Variants in MICAL2 observed in about 807,000 individuals in gnomAD.
MICAL2 encodes the protein microtubule associated monooxygenase, calponin and LIM domain containing 2.
A neutral mutation model predicts 127.3 loss-of-function variants in MICAL2; 77 were observed. That is an observed-to-expected ratio of 0.60 (90% confidence interval 0.50 to 0.73). The LOEUF is 0.73. Among genes scored for constraint, MICAL2 ranks in the 30% least tolerant of loss-of-function variants. The pLI, the probability that MICAL2 is intolerant of heterozygous loss-of-function variation, is 0.00. For missense variants in MICAL2, 1,351 were observed against 1,434.4 expected, an observed-to-expected ratio of 0.94 and a Z score of 0.94; for synonymous variants, 570 against 551.1, an observed-to-expected ratio of 1.03 and a Z score of -0.48.
intron 32 of MICAL2, among the ~76,000 whole-genome samples, chr11:12,338,430 A>C (rs571242199): frequency 3.1e-4 from 47 of 152,298 alleles, no homozygotes; most frequent in Middle Eastern, 3.4e-3. Context: ...TGTGTCTTTT[A>C]ATTGGCGCAT....
chr11:12,198,458 G>A (rs1192561087), intron 3 of MICAL2, among the ~76,000 whole-genome samples: 2 of 152,128 alleles, frequency 1.3e-5, no homozygotes, highest in Admixed American at 6.5e-5. Flanking sequence ...CTGGCAGGTG[G>A]GTGGCACCTT....
chr11:12,353,577 G>A (rs1939086633), intron 33 of MICAL2, among the ~76,000 whole-genome samples: 1 of 152,084 alleles, frequency 6.6e-6, no homozygotes, highest in Non-Finnish European at 1.5e-5. Context: ...TGGCATTTGG[G>A]AGCCTCCACA....
intron 16 of MICAL2, among the ~76,000 whole-genome samples, chr11:12,236,765 G>C (rs1565220752): frequency 1.3e-5 from 2 of 152,208 alleles, no homozygotes; most frequent in Non-Finnish European, 2.9e-5. Context: ...TCTCTTGCCT[G>C]CTTCTGAAAA....
chr11:12,239,292 C>T lies in MICAL2; in HGVS notation c.2065-144C>T, dbSNP rs189961642. 764 of 1,080,488 alleles carry T rather than the reference C, an allele frequency of 7.1e-4. 5 individuals carry two copies. In the African/African-American group the frequency reaches 0.011, roughly 15 times the overall value. The allele number at this position is 1,080,488 out of a possible 1,614,324, so 66.9% of individuals were successfully genotyped here. ...GTGAGCATTGCCTCTGCGGGGGTGG[C>T]CCTGCTGCCTCTGCCTCCCTTCCTC... On this transcript the variant is annotated intron_variant, in intron 16 of 27. Coordinates refer to ENST00000683283, the MANE Select transcript of MICAL2 (RefSeq NM_001282663.2).
Position 12,128,849 on chromosome 11 carries a change from G to A in MICAL2, c.-148-9541G>A, listed in dbSNP as rs537620024. The stretch of plus-strand genomic sequence containing the variant: ...TCTTTGTGCCTCAGTTTTGTCATCT[G>A]CAAACTTGCTTCATAGGGTTGTTAT... On this transcript the variant is annotated intron_variant, in intron 1 of 27. Coordinates refer to ENST00000683283, the MANE Select transcript of MICAL2 (RefSeq NM_001282663.2). Among the ~76,000 whole-genome samples the A allele has an allele frequency of 1.4e-4, 21 of 152,326 alleles. No homozygotes were observed. In the Middle Eastern group the frequency reaches 0.014, roughly 99 times the overall value.
intron 6 of MICAL2, among the ~76,000 whole-genome samples, chr11:12,209,984 T>C (rs1262660236): frequency 6.6e-6 from 1 of 152,204 alleles, no homozygotes; most frequent in Non-Finnish European, 1.5e-5. Context: ...TGCCGAGCAC[T>C]TTCATACTTA....
intron 29 of MICAL2, among the ~76,000 whole-genome samples, chr11:12,317,739 C>T (rs1203034968): frequency 6.6e-6 from 1 of 151,848 alleles, no homozygotes; most frequent in East Asian, 1.9e-4. Flanking sequence ...TTGCGGTGAG[C>T]CCAGATCATG....
intron 26 of MICAL2, chr11:12,261,374 A>G: frequency 4.1e-6 from 4 of 985,468 alleles, no homozygotes; most frequent in Non-Finnish European, 4.8e-6. Context: ...GATCCAAAGG[A>G]CATATGCATG....
intron 3 of MICAL2, among the ~76,000 whole-genome samples, chr11:12,170,670 C>T (rs1856133906): frequency 1.3e-5 from 2 of 152,206 alleles, no homozygotes; most frequent in South Asian, 4.1e-4. Context: ...TCAGTTCAAG[C>T]AGACACCACC....
chr11:12,209,201 A>G (rs16910768), intron 5 of MICAL2, among the ~76,000 whole-genome samples: 1,576 of 152,330 alleles, frequency 0.01, 27 homozygotes, highest in African/African-American at 0.029. Context: ...GAATGATAAG[A>G]TGCAAATGAG....
chr11:12,257,095 C>T, intron 24 of MICAL2, 124 bp downstream of exon 24: 1 of 1,080,022 alleles, frequency 9.3e-7, no homozygotes, highest in Non-Finnish European at 1.3e-6. Flanking sequence ...AGTATGATGT[C>T]ATCAGGAAAG....
rs565038004 is a variant in MICAL2, at chr11:12,348,041, C to T, written c.5516-1797C>T. The stretch of plus-strand genomic sequence containing the variant: ...TGGTGGCACACACCTGTAGTCCTAG[C>T]TACTCAGGAGGCTGAGGCAGGAGAA... On this transcript the variant is annotated intron_variant, in intron 32 of 34. Coordinates refer to the MICAL2 transcript ENST00000646065. Among the ~76,000 whole-genome samples the T allele has an allele frequency of 1.0e-4, 15 of 150,520 alleles. No homozygotes were observed. The South Asian group carries it at 3.2e-3, about 32-fold the overall frequency.
chr11:12,234,136 C>T (rs1158508075), intron 15 of MICAL2, among the ~76,000 whole-genome samples: 1 of 152,126 alleles, frequency 6.6e-6, no homozygotes, highest in Non-Finnish European at 1.5e-5. Flanking sequence ...TGCTGGTGGG[C>T]ACGGCCTCCC....
intron 8 of MICAL2, among the ~76,000 whole-genome samples, chr11:12,218,256 G>A (rs1429995831): frequency 6.6e-6 from 1 of 152,198 alleles, no homozygotes; most frequent in Non-Finnish European, 1.5e-5. Context: ...CCATCCCAGA[G>A]CCTCCCTGGG....
chr11:12,357,387 C>A (rs1006970574), intron 34 of MICAL2, among the ~76,000 whole-genome samples: 3 of 152,328 alleles, frequency 2.0e-5, no homozygotes, highest in Admixed American at 6.5e-5. Context: ...CCCAGGCAAC[C>A]AAATGCCTCA....
chr11:12,259,988 C>T (rs1207834987), intron 26 of MICAL2, 91 bp downstream of exon 26: 2 of 1,560,524 alleles, frequency 1.3e-6, no homozygotes, highest in Admixed American at 1.9e-5. Context: ...CTCCTGCAAG[C>T]TGCTGGCCTC....
intron 3 of MICAL2, among the ~76,000 whole-genome samples, chr11:12,201,641 T>A (rs964278820): frequency 1.3e-5 from 2 of 152,174 alleles, no homozygotes; most frequent in African/African-American, 2.4e-5. Flanking sequence ...TTTCTGTGGA[T>A]GAAAAGGCTT....
chr11:12,279,583 G>A (rs1021344612), intron 1 of MICAL2, among the ~76,000 whole-genome samples: 15 of 152,312 alleles, frequency 9.8e-5, no homozygotes, highest in African/African-American at 3.4e-4. Context: ...GGTAACAAAG[G>A]CAAATGCATC....
chr11:12,261,238 CAT>C (rs1555012790), intron 26 of MICAL2: 11 of 985,500 alleles, frequency 1.1e-5, no homozygotes, highest in Non-Finnish European at 1.3e-5. Context: ...CGCTGCCACA[CAT>C]ATGTGGTCAA....
Sources: gnomAD v4.1 joint callset for allele counts (sites outside exome capture counted in the v4.1 genomes callset) on GRCh38, gnomAD v4.1.1 for gene constraint, MANE v1.5 for transcripts, NCBI Gene and HGNC (gene_info 2026-07-23, HGNC 2026-07-21) for gene names.